MRAP: variants seen among roughly 807,000 people sequenced by gnomAD.
MRAP encodes melanocortin-2 receptor accessory protein.
A neutral mutation model predicts 8.7 loss-of-function variants in MRAP; 8 were observed. The ratio of observed to expected loss-of-function variants is 0.92; its 90% CI spans 0.54 to 1.66. The LOEUF is 1.66. Ranked by LOEUF, MRAP falls within the 40% of genes most tolerant of loss-of-function variation. The pLI is 0.00. For missense variants in MRAP, 237 were observed against 217.1 expected (o/e 1.09, Z -0.58); for synonymous variants, 95 against 95.5 (o/e 1.00, Z 0.03).
At chr21:32,309,594 G>T (rs1031074070) in intron 2 of MRAP, among the ~76,000 whole-genome samples, 30 of 149,338 alleles carry the variant, frequency 2.0e-4, no homozygotes, top group African/African-American at 7.3e-4. Context: ...TGGGATTACA[G>T]GCACCCGCCA....
intron 1 of MRAP, among the ~76,000 whole-genome samples, chr21:32,300,581 A>G (rs1211035876): frequency 2.1e-5 from 3 of 139,880 alleles, no homozygotes; most frequent in Non-Finnish European, 3.0e-5. Flanking sequence ...ACGTCATGTC[A>G]GGGGCGTCAC....
chr21:32,302,340 T>C (rs1311932953), intron 1 of MRAP, among the ~76,000 whole-genome samples: 1 of 152,204 alleles, frequency 6.6e-6, no homozygotes. Context: ...TTGAAGGTAA[T>C]TCCAAAAGAA....
At chr21:32,294,002 T>G (rs1200766014), upstream of MRAP, among the ~76,000 whole-genome samples, 1 of 152,242 alleles carries the variant, frequency 6.6e-6, no homozygotes, top group African/African-American at 2.4e-5. Flanking sequence ...ATCAGTATTT[T>G]GTCAGACAGA....
At chr21:32,301,014 C>T (rs1047494403) in intron 1 of MRAP, among the ~76,000 whole-genome samples, 4 of 148,708 alleles carry the variant, frequency 2.7e-5, no homozygotes, top group Non-Finnish European at 2.9e-5. Flanking sequence ...GATGATATAT[C>T]GCATATGTAT....
chr21:32,296,420 G>A (rs867129885), upstream of MRAP, among the ~76,000 whole-genome samples: 3 of 152,314 alleles, frequency 2.0e-5, no homozygotes, highest in South Asian at 6.2e-4. Flanking sequence ...ACACAGGTGG[G>A]TGCATGGTGT....
intron 2 of MRAP, among the ~76,000 whole-genome samples, chr21:32,307,141 C>T (rs964181056): frequency 2.0e-5 from 3 of 152,142 alleles, no homozygotes; most frequent in Non-Finnish European, 4.4e-5. Flanking sequence ...TGTTGTATGA[C>T]TCCATTCACA....
At chr21:32,305,048 C>A (rs2032382104) in intron 1 of MRAP, among the ~76,000 whole-genome samples, 1 of 144,160 alleles carries the variant, frequency 6.9e-6, no homozygotes. Flanking sequence ...TCGTAGCTCA[C>A]TTCAGCCTTG....
At chr21:32,294,137 CAG>C (rs1404462854), upstream of MRAP, among the ~76,000 whole-genome samples, 3 of 152,048 alleles carry the variant, frequency 2.0e-5, no homozygotes, top group African/African-American at 7.2e-5. Context: ...TTTTTTGAGA[CAG>C]AGTCTTACTC....
upstream of MRAP, among the ~76,000 whole-genome samples, chr21:32,296,985 C>T (rs1391696271): frequency 6.6e-6 from 1 of 152,130 alleles, no homozygotes; most frequent in East Asian, 1.9e-4. Context: ...ATGTTGGCTA[C>T]GGTGTCACTA....
At chr21:32,306,171 C>T (rs917113915) in intron 1 of MRAP, among the ~76,000 whole-genome samples, 4 of 152,266 alleles carry the variant, frequency 2.6e-5, no homozygotes, top group Admixed American at 1.3e-4. Flanking sequence ...GCACATCCTC[C>T]GCAGGGTATC....
At chr21:32,302,640 T>C (rs982047439) in intron 1 of MRAP, among the ~76,000 whole-genome samples, 4 of 152,178 alleles carry the variant, frequency 2.6e-5, no homozygotes, top group African/African-American at 9.7e-5. Flanking sequence ...TGCACTACCA[T>C]CCCTGGGACA....
chr21:32,296,455 A>G (rs1439700180), upstream of MRAP, among the ~76,000 whole-genome samples: 1 of 152,172 alleles, frequency 6.6e-6, no homozygotes, highest in Non-Finnish European at 1.5e-5. Context: ...TGATATTTTG[A>G]TATAAGAAAC....
chr21:32,305,017 G>A (rs1305457061), intron 1 of MRAP, among the ~76,000 whole-genome samples: 5 of 133,542 alleles, frequency 3.7e-5, no homozygotes, highest in Non-Finnish European at 7.6e-5. Context: ...CTGTGGCCCA[G>A]GCTGGAGCAC....
At chr21:32,305,251 G>T (rs2032387330) in intron 1 of MRAP, among the ~76,000 whole-genome samples, 1 of 152,094 alleles carries the variant, frequency 6.6e-6, no homozygotes, top group African/African-American at 2.4e-5. Context: ...TGGGATTATA[G>T]GCATGGGCCA....
At chr21:32,310,156 G>A (rs930914748) in intron 2 of MRAP, among the ~76,000 whole-genome samples, 1 of 152,146 alleles carries the variant, frequency 6.6e-6, no homozygotes, top group Non-Finnish European at 1.5e-5. Flanking sequence ...GGGGGCACAG[G>A]CCTTCTGGGC....
At chr21:32,299,571 T>TC (rs1569025477) in intron 1 of MRAP, among the ~76,000 whole-genome samples, 1 of 152,058 alleles carries the variant, frequency 6.6e-6, no homozygotes, top group African/African-American at 2.4e-5. Context: ...CCTCAAGTGA[T>TC]CCCCCAATCT....
chr21:32,295,933 G>A (rs192945636), upstream of MRAP, among the ~76,000 whole-genome samples: 144 of 152,232 alleles, frequency 9.5e-4, 3 homozygotes, highest in South Asian at 0.01. Flanking sequence ...CCAAGATCAC[G>A]CCACTGCACT....
chr21:32,296,347 G>T (rs1175214258), upstream of MRAP, among the ~76,000 whole-genome samples: 2 of 152,192 alleles, frequency 1.3e-5, no homozygotes, highest in Admixed American at 1.3e-4. Context: ...AGTGTTATTT[G>T]CACAGTGTTG....
chr21:32,308,733 A>G (rs1033400101), intron 2 of MRAP: 1 of 152,992 alleles, frequency 6.5e-6, no homozygotes, highest in Non-Finnish European at 1.5e-5. Flanking sequence ...GACTGGTCAG[A>G]TTCTCATCTT....
Sources: gnomAD v4.1 joint callset for allele counts (sites outside exome capture counted in the v4.1 genomes callset) on GRCh38, gnomAD v4.1.1 for gene constraint, MANE v1.5 for transcripts, NCBI Gene and HGNC (gene_info 2026-07-23, HGNC 2026-07-21) for gene names.